VANGL2: variants seen among roughly 807,000 people sequenced by gnomAD.
VANGL2 encodes the protein vang-like protein 2.
Under a neutral mutation model 50.2 loss-of-function variants are expected in VANGL2, and 14 were observed. That is an observed-to-expected ratio of 0.28 (90% CI 0.18 to 0.44). VANGL2 has a LOEUF of 0.44. Among genes scored for constraint, VANGL2 ranks in the 20% least tolerant of loss-of-function variants. The probability of loss-of-function intolerance (pLI) is 1.00; values close to 1 mark genes in which losing one functional copy is unlikely to be tolerated. For synonymous variants in VANGL2, 295 were observed against 297.2 expected (o/e 0.99, Z 0.08); for missense variants, 533 against 701.5 (o/e 0.76, Z 2.71).
chr1:160,421,084 C>T lies in VANGL2; in HGVS notation c.970C>T (p.Arg324Trp), dbSNP rs770787716. 6.2e-6 allele frequency: 10 copies of T among 1,614,050 alleles called. No homozygotes were observed. The highest frequency in any genetic ancestry group is 4.4e-5 in the South Asian group (4 of 91,084). The part of the protein sequence containing the change: ...NSTNNSTGQS[R>W]AVIAAAARRR... The stretch of plus-strand genomic sequence containing the variant: ...CACCAACAACTCCACTGGCCAGTCT[C>T]GGGCTGTGATTGCAGCGGCAGCTCG... Residue 324 changes from arginine (R) to tryptophan (W), a missense_variant, in exon 6 of 8, where the codon CGG becomes TGG. Coordinates refer to ENST00000368061, the MANE Select transcript of VANGL2 (RefSeq NM_020335.3).
chr1:160,418,918 C>T (rs1205240031), intron 3 of VANGL2, 84 bp from the exon 4 acceptor site: 10 of 1,509,216 alleles, frequency 6.6e-6, no homozygotes, highest in East Asian at 2.3e-5. Context: ...GTCTCCTGTC[C>T]CCTCACCCTT....
chr1:160,407,607 G>C (rs1475674185), intron 1 of VANGL2, among the ~76,000 whole-genome samples: 1 of 152,208 alleles, frequency 6.6e-6, no homozygotes, highest in East Asian at 1.9e-4. Flanking sequence ...AGCAGGCTTT[G>C]AAGGTCTTTT....
chr1:160,421,741 G>A (rs1557912090), intron 6 of VANGL2, among the ~76,000 whole-genome samples: 2 of 152,144 alleles, frequency 1.3e-5, no homozygotes, highest in Non-Finnish European at 2.9e-5. Flanking sequence ...ATGGGAGTCT[G>A]GTAGAAGTGG....
chr1:160,418,149 G>A (rs12089990), intron 3 of VANGL2, among the ~76,000 whole-genome samples: 22,274 of 151,972 alleles, frequency 0.15, 3,457 homozygotes, highest in African/African-American at 0.4. Context: ...TCGAACTCCC[G>A]ACCTCAGGCG....
In VANGL2 at chr1:160,421,194, C is replaced by T. The variant is rs1448011292; in HGVS notation, c.1073+7C>T. The T allele has an allele frequency of 6.2e-7, 1 of 1,612,688 alleles. No homozygotes were observed. Among genetic ancestry groups the T allele is most frequent in the Admixed American group, 1.7e-5 (1 of 60,006 alleles). Reference sequence around the variant, plus strand: ...TGCGCAAGAGGAGGGCCAGGTGGGTCCCTGGGGGAGAAGAGGAGAGGAGGT... The same window carrying T: ...TGCGCAAGAGGAGGGCCAGGTGGGTTCCTGGGGGAGAAGAGGAGAGGAGGT... On this transcript the variant is annotated splice_region_variant and intron_variant, in intron 6 of 7. Coordinates refer to ENST00000368061, the MANE Select transcript of VANGL2 (RefSeq NM_020335.3).
At chr1:160,413,553 G>A (rs1401098644) in intron 1 of VANGL2, among the ~76,000 whole-genome samples, 7 of 152,136 alleles carry the variant, frequency 4.6e-5, no homozygotes, top group African/African-American at 7.2e-5. Context: ...GGGATTACCC[G>A]GCCCCATTTT....
intron 7 of VANGL2, 21 bp from the exon 8 acceptor site, chr1:160,425,096 CA>C: frequency 6.2e-7 from 1 of 1,613,942 alleles, no homozygotes; most frequent in South Asian, 1.1e-5. Context: ...GATTCTTATG[CA>C]GCCCCTTCTT....
In VANGL2 at chr1:160,420,941, G is replaced by A. The variant is rs543939842; in HGVS notation, c.938-111G>A. Reference sequence around the variant, plus strand: ...TTGGGATTAGGAGGTATTGCTGGGTGGTGGGAACAGCTTCTTCTGGACATG... The same window carrying A: ...TTGGGATTAGGAGGTATTGCTGGGTAGTGGGAACAGCTTCTTCTGGACATG... On this transcript the variant is annotated intron_variant, in intron 5 of 7. Coordinates refer to ENST00000368061, the MANE Select transcript of VANGL2 (RefSeq NM_020335.3). 3.5e-5 allele frequency: 52 copies of A among 1,498,352 alleles called. No homozygotes were observed. In the East Asian group the frequency reaches 6.7e-4, roughly 19 times the overall value. The allele number at this position is 1,498,352 out of a possible 1,614,324, so 92.8% of individuals were successfully genotyped here. A position where few individuals can be genotyped will look rare whatever the true frequency, so the allele number is the denominator to read the frequency against.
chr1:160,420,765 C>G (rs1651242348), intron 5 of VANGL2, among the ~76,000 whole-genome samples: 4 of 152,224 alleles, frequency 2.6e-5, no homozygotes, highest in Admixed American at 2.6e-4. Context: ...GATCTGGCTC[C>G]TCTGTGTCTC....
chr1:160,408,583 C>T (rs1241989637), intron 1 of VANGL2, among the ~76,000 whole-genome samples: 1 of 152,150 alleles, frequency 6.6e-6, no homozygotes, highest in Non-Finnish European at 1.5e-5. Context: ...TCCTCTGCCA[C>T]TCAGCCCAGT....
At chr1:160,422,993 C>T (rs951454439) in intron 6 of VANGL2, among the ~76,000 whole-genome samples, 11 of 151,900 alleles carry the variant, frequency 7.2e-5, no homozygotes, top group African/African-American at 2.2e-4. Flanking sequence ...GCAACCTCCG[C>T]CTCCTGGGTT....
chr1:160,403,166 A>C (rs1650539948), intron 1 of VANGL2, among the ~76,000 whole-genome samples: 2 of 148,816 alleles, frequency 1.3e-5, no homozygotes, highest in South Asian at 4.3e-4. Context: ...TTTTTAATGG[A>C]TCATTCCCCC....
intron 1 of VANGL2, among the ~76,000 whole-genome samples, chr1:160,413,589 G>A (rs763057861): frequency 1.1e-4 from 16 of 152,100 alleles, no homozygotes; most frequent in Non-Finnish European, 2.4e-4. Flanking sequence ...CAGCCTCTCA[G>A]CAGCATTTGA....
chr1:160,417,306 G>A (rs1651095704), intron 3 of VANGL2, among the ~76,000 whole-genome samples: 1 of 152,182 alleles, frequency 6.6e-6, no homozygotes. Flanking sequence ...CCTCCTGGGT[G>A]TCAGGTTGTG....
rs751178127 is a variant in VANGL2 at position 160,419,587 on chromosome 1, T to A, written c.778T>A (p.Phe260Ile). The A allele has an allele frequency of 1.9e-6, 3 of 1,599,368 alleles. No individual in the cohort carries two copies. The South Asian group carries it at 3.3e-5, about 18-fold the overall frequency. Residue 260 changes from phenylalanine (F) to isoleucine (I), a missense_variant, in exon 4 of 8, where the codon TTC (phenylalanine) becomes ATC (isoleucine). By Grantham distance (21) the Phe-to-Ile change is conservative. Transcript: ENST00000368061. The surrounding 1 kb of genome is among the most constrained non-coding windows in gnomAD (Gnocchi z 5.8). ...VVRSTDGASR[F>I]YNVGHLSIQR... ...GCGCTCCACCGACGGCGCCAGCCGC[T>A]TCTACAACGTTGGCCATCTCAGGTA...
chr1:160,419,449 G>A lies in VANGL2; in HGVS notation c.640G>A (p.Gly214Ser). The stretch of plus-strand genomic sequence containing the variant: ...GGATGCTCGGGAGCGCAGCTACCAG[G>A]GCGTGGTGCAGTTCGCCGTGTCGCT... ...ILDARERSYQGVVQFAVSLVD... is the reference protein window; with the variant it reads ...ILDARERSYQSVVQFAVSLVD... Residue 214 changes from glycine (G) to serine (S), a missense_variant, in exon 4 of 8, where the codon GGC (glycine) becomes AGC (serine). Transcript: ENST00000368061. This position sits in a 1 kb window ranked among gnomAD's most constrained non-coding sequence, Gnocchi z 5.8. 1 of 1,610,510 alleles carries A rather than the reference G, an allele frequency of 6.2e-7. No individual in the cohort carries two copies. Among genetic ancestry groups the A allele is most frequent in the Non-Finnish European group, 8.5e-7 (1 of 1,179,998 alleles).
intron 1 of VANGL2, among the ~76,000 whole-genome samples, chr1:160,406,573 T>C (rs1401472721): frequency 1.3e-5 from 2 of 152,022 alleles, no homozygotes; most frequent in African/African-American, 4.8e-5. Flanking sequence ...CGTGGGGTCT[T>C]GTTTGTGAAT....
At chr1:160,422,769 C>CT (rs1056428731) in intron 6 of VANGL2, among the ~76,000 whole-genome samples, 2 of 152,198 alleles carry the variant, frequency 1.3e-5, no homozygotes, top group African/African-American at 4.8e-5. Flanking sequence ...CCAGTTCCCA[C>CT]TTTCACTCCA....
At chr1:160,415,951 TG>T (rs1172673637) in intron 2 of VANGL2, 43 bp downstream of exon 2, 1 of 1,613,862 alleles carries the variant, frequency 6.2e-7, no homozygotes, top group African/African-American at 1.3e-5. Context: ...GAGGGAGGGT[TG>T]GGGGCTGTTA....
Sources: gnomAD v4.1 joint callset for allele counts (sites outside exome capture counted in the v4.1 genomes callset) on GRCh38, gnomAD v4.1.1 for gene constraint, Gnocchi (gnomAD v3.1) non-coding constraint, MANE v1.5 for transcripts, NCBI Gene and HGNC (gene_info 2026-07-23, HGNC 2026-07-21) for gene names.